Variants in PAPSS2 observed in about 807,000 individuals in gnomAD.
PAPSS2 encodes bifunctional 3'-phosphoadenosine 5'-phosphosulfate synthase 2.
In PAPSS2, 61 loss-of-function variants were observed where a neutral mutation model predicts 66.5. The ratio of observed to expected loss-of-function variants is 0.92; its 90% CI spans 0.75 to 1.14. The LOEUF (loss-of-function observed/expected upper bound fraction) is 1.14. Ranked by LOEUF, PAPSS2 falls within the 50% of genes most tolerant of loss-of-function variation. The probability of loss-of-function intolerance (pLI) is 0.00; values close to 1 mark genes in which losing one functional copy is unlikely to be tolerated. For synonymous variants in PAPSS2, 289 were observed against 287.5 expected, an observed-to-expected ratio of 1.01 and a Z score of -0.05; for missense variants, 708 against 789.6, an observed-to-expected ratio of 0.90 and a Z score of 1.24.
chr10:87,725,427 A>C (rs1453033254), intron 8 of PAPSS2, among the ~76,000 whole-genome samples: 3 of 152,216 alleles, frequency 2.0e-5, no homozygotes, highest in African/African-American at 7.2e-5. Context: ...GAGACTCAGC[A>C]TAATGGTGAG....
chr10:87,742,137 AGTT>A (rs1853877897), intron 10 of PAPSS2, among the ~76,000 whole-genome samples: 1 of 152,240 alleles, frequency 6.6e-6, no homozygotes, highest in South Asian at 2.1e-4. Context: ...AGTTTTATAA[AGTT>A]GTACTATATA....
At chr10:87,663,784 A>G (rs1359067214) in intron 1 of PAPSS2, among the ~76,000 whole-genome samples, 1 of 152,262 alleles carries the variant, frequency 6.6e-6, no homozygotes, top group Non-Finnish European at 1.5e-5. Context: ...TGTCTTGCTC[A>G]GTGCCAGACC....
At chr10:87,700,994 C>T (rs908522850) in intron 1 of PAPSS2, among the ~76,000 whole-genome samples, 6 of 151,286 alleles carry the variant, frequency 4.0e-5, no homozygotes, top group Non-Finnish European at 5.9e-5. Context: ...TATTTTTGGC[C>T]CAGGTATGTA....
chr10:87,712,083 A>G (rs1331603886), intron 2 of PAPSS2, among the ~76,000 whole-genome samples: 1 of 152,040 alleles, frequency 6.6e-6, no homozygotes, highest in Non-Finnish European at 1.5e-5. Flanking sequence ...GTTCCTGATC[A>G]TTGTGCTTTG....
At chr10:87,704,087 A>G (rs960085214) in intron 1 of PAPSS2, 7 of 469,332 alleles carry the variant, frequency 1.5e-5, no homozygotes, top group Non-Finnish European at 3.0e-5. Flanking sequence ...GTATAATTCA[A>G]AATATCTGCT....
At chr10:87,713,703 A>T (rs1471507797) in intron 3 of PAPSS2, among the ~76,000 whole-genome samples, 1 of 152,240 alleles carries the variant, frequency 6.6e-6, no homozygotes, top group Non-Finnish European at 1.5e-5. Flanking sequence ...TATGTGTTTA[A>T]TGCTGACATC....
Position 87,713,104 on chromosome 10 carries a change from A to G in PAPSS2, c.175A>G (p.Ser59Gly), listed in dbSNP as rs749873258. 2 of 1,612,624 alleles carry G rather than the reference A, an allele frequency of 1.2e-6. No homozygotes were observed. Among genetic ancestry groups the G allele is most frequent in the South Asian group, 2.2e-5 (2 of 91,032 alleles). ...CTCTGGTGCTGGAAAAACAACGATA[A>G]GTTTTGCCCTGGAGGAGTACCTTGT... ...GLSGAGKTTISFALEEYLVSH... is the reference protein window; with the variant it reads ...GLSGAGKTTIGFALEEYLVSH... The change falls in exon 3 of 13, where the codon AGT becomes GGT. Residue 59 changes from serine (S) to glycine (G), a missense_variant. Physicochemically the swap from Ser to Gly is moderately conservative, Grantham distance 56. Transcript: ENST00000456849.
At chr10:87,734,655 A>ATGTGTG (rs78861321) in intron 9 of PAPSS2, among the ~76,000 whole-genome samples, 29 of 93,706 alleles carry the variant, frequency 3.1e-4, no homozygotes, top group African/African-American at 1.2e-3. Context: ...ACAGAAATGA[A>ATGTGTG]TGTGTGTGTA....
At chr10:87,690,034 A>G (rs1031834100) in intron 1 of PAPSS2, among the ~76,000 whole-genome samples, 2 of 152,218 alleles carry the variant, frequency 1.3e-5, no homozygotes, top group African/African-American at 4.8e-5. Flanking sequence ...TGGACAATTT[A>G]GTTATATCTA....
chr10:87,711,497 G>A (rs1192781219), intron 2 of PAPSS2, among the ~76,000 whole-genome samples: 1 of 152,170 alleles, frequency 6.6e-6, no homozygotes, highest in Non-Finnish European at 1.5e-5. Context: ...AGAGATTCAG[G>A]AGTGCCACTT....
At chr10:87,660,228 A>G in intron 1 of PAPSS2, 1 of 610,970 alleles carries the variant, frequency 1.6e-6, no homozygotes, top group East Asian at 2.8e-5. Context: ...GACTCTGGGA[A>G]TCTGCGCTCC....
In PAPSS2 at chr10:87,747,277, A is replaced by G. The variant is rs1233551244; in HGVS notation, c.*1307A>G. On this transcript the variant is annotated 3_prime_UTR_variant, in exon 13 of 13. Coordinates refer to ENST00000456849, the MANE Select transcript of PAPSS2 (RefSeq NM_001015880.2). ...GAGAGGCAATGTTTTTACTTTATGC[A>G]TAATTCATTGTTGCCAAGGAATAAA... is the stretch of plus-strand genomic sequence containing the variant. 2 of 152,148 alleles carry G rather than the reference A, an allele frequency of 1.3e-5. No homozygotes were observed. The highest frequency in any genetic ancestry group is 4.8e-5 in the African/African-American group (2 of 41,432). 9.4% of individuals were successfully genotyped at this position (152,148 alleles called of 1,614,324 possible).
At chr10:87,727,868 A>G (rs1356995418) in intron 9 of PAPSS2, among the ~76,000 whole-genome samples, 3 of 151,860 alleles carry the variant, frequency 2.0e-5, no homozygotes, top group East Asian at 1.9e-4. Flanking sequence ...CGCAAGGAAC[A>G]TAAGTATCTT....
chr10:87,736,806 G>A (rs1853806918), intron 9 of PAPSS2, among the ~76,000 whole-genome samples: 2 of 152,240 alleles, frequency 1.3e-5, no homozygotes. Flanking sequence ...GAATATGGTA[G>A]TGTGTGGAGA....
intron 1 of PAPSS2, among the ~76,000 whole-genome samples, chr10:87,673,908 G>A (rs1001751512): frequency 1.3e-5 from 2 of 151,850 alleles, no homozygotes; most frequent in African/African-American, 4.8e-5. Flanking sequence ...TGTTCTAGAA[G>A]GTCCCAGAGC....
At chr10:87,669,446 C>T (rs1483459176) in intron 1 of PAPSS2, among the ~76,000 whole-genome samples, 3 of 152,182 alleles carry the variant, frequency 2.0e-5, no homozygotes, top group South Asian at 4.1e-4. Flanking sequence ...GTAATTATGG[C>T]TCTTGGGCCA....
chr10:87,726,785 CTT>C (rs1853664693), intron 8 of PAPSS2, among the ~76,000 whole-genome samples: 1 of 152,080 alleles, frequency 6.6e-6, no homozygotes, highest in Non-Finnish European at 1.5e-5. Flanking sequence ...TGATTTTTTT[CTT>C]TGTTTTCAAT....
chr10:87,706,516 G>A (rs1200152512), intron 1 of PAPSS2, among the ~76,000 whole-genome samples: 1 of 150,994 alleles, frequency 6.6e-6, no homozygotes, highest in African/African-American at 2.4e-5. Flanking sequence ...TAGTACTTTG[G>A]AAGGCTGAGG....
chr10:87,660,093 C>A, intron 1 of PAPSS2, 85 bp downstream of exon 1: 2 of 1,395,590 alleles, frequency 1.4e-6, no homozygotes, highest in African/African-American at 1.4e-5. Context: ...CACTTGGGTC[C>A]CACCCTCCCC....
Sources: gnomAD v4.1 joint callset for allele counts (sites outside exome capture counted in the v4.1 genomes callset) on GRCh38, gnomAD v4.1.1 for gene constraint, MANE v1.5 for transcripts, NCBI Gene and HGNC (gene_info 2026-07-23, HGNC 2026-07-21) for gene names.